Variants in KCNH8 observed in about 807,000 individuals in gnomAD.
KCNH8 encodes voltage-gated delayed rectifier potassium channel KCNH8.
In KCNH8, 70 loss-of-function variants were observed where a neutral mutation model predicts 103.6. The observed-to-expected ratio is 0.68, with a 90% CI of 0.56 to 0.82. The LOEUF is 0.82. Ranked by LOEUF, KCNH8 falls within the 40% of genes least tolerant of loss-of-function variation. The pLI is 0.00. For missense variants in KCNH8, 1,217 were observed against 1,329.9 expected (o/e 0.92, Z 1.32); for synonymous variants, 498 against 489.4 (o/e 1.02, Z -0.23).
intron 2 of KCNH8, among the ~76,000 whole-genome samples, chr3:19,274,943 C>CT (rs2064646461): frequency 7.0e-6 from 1 of 142,768 alleles, no homozygotes; most frequent in African/African-American, 2.6e-5. Context: ...TAACATAGCA[C>CT]TTTTCTCAAA....
chr3:19,204,016 C>CTTCA (rs1450362203), intron 1 of KCNH8, among the ~76,000 whole-genome samples: 1 of 151,860 alleles, frequency 6.6e-6, no homozygotes, highest in African/African-American at 2.4e-5. Flanking sequence ...CATTTTATTG[C>CTTCA]TTCACCAATA....
chr3:19,233,719 G>A (rs1307863063), intron 1 of KCNH8, among the ~76,000 whole-genome samples: 1 of 152,126 alleles, frequency 6.6e-6, no homozygotes, highest in Non-Finnish European at 1.5e-5. Flanking sequence ...AGATGTACAC[G>A]CTAGGTAATT....
At chr3:19,414,862 G>C (rs1458745893) in intron 7 of KCNH8, among the ~76,000 whole-genome samples, 1 of 151,808 alleles carries the variant, frequency 6.6e-6, no homozygotes, top group Non-Finnish European at 1.5e-5. Context: ...TTTAAAATTA[G>C]CAAATATCTT....
chr3:19,494,043 CTCTT>C (rs570799658), intron 11 of KCNH8, among the ~76,000 whole-genome samples: 15 of 152,076 alleles, frequency 9.9e-5, no homozygotes, highest in African/African-American at 2.7e-4. Context: ...GTCTGTTGTT[CTCTT>C]TGTTTTCATT....
intron 11 of KCNH8, among the ~76,000 whole-genome samples, chr3:19,482,324 A>C (rs6549914): frequency 0.047 from 7,188 of 152,182 alleles, 483 homozygotes; most frequent in African/African-American, 0.15. Flanking sequence ...GTTTTTACTT[A>C]TTCTTTCTTT....
At chr3:19,228,240 A>G (rs2125236312) in intron 1 of KCNH8, among the ~76,000 whole-genome samples, 1 of 152,332 alleles carries the variant, frequency 6.6e-6, no homozygotes, top group South Asian at 2.1e-4. Flanking sequence ...ATAATTGTTT[A>G]CATATTTTCT....
At chr3:19,464,836 C>T (rs958954390) in intron 11 of KCNH8, among the ~76,000 whole-genome samples, 1 of 152,048 alleles carries the variant, frequency 6.6e-6, no homozygotes, top group Non-Finnish European at 1.5e-5. Context: ...CCTCCTCAGT[C>T]TTTTATCTAA....
At chr3:19,322,965 C>G (rs1423590968) in intron 3 of KCNH8, among the ~76,000 whole-genome samples, 2 of 152,064 alleles carry the variant, frequency 1.3e-5, no homozygotes, top group Non-Finnish European at 2.9e-5. Flanking sequence ...CTTTCTTCTA[C>G]TTGTTCAATT....
chr3:19,244,815 T>C (rs1053180204), intron 1 of KCNH8, among the ~76,000 whole-genome samples: 1 of 142,896 alleles, frequency 7.0e-6, no homozygotes. Context: ...TGTAATAGGG[T>C]TTTTTTTTGT....
At chr3:19,167,246 T>C (rs1314230031) in intron 1 of KCNH8, among the ~76,000 whole-genome samples, 1 of 152,206 alleles carries the variant, frequency 6.6e-6, no homozygotes, top group Admixed American at 6.5e-5. Context: ...TATCATATTG[T>C]TACCAAAAAG....
Position 19,148,610 on chromosome 3 carries a change from G to T in KCNH8, c.-110G>T, listed in dbSNP as rs2063098451. 1.9e-6 allele frequency: 2 copies of T among 1,043,478 alleles called. No homozygotes were observed. The highest frequency in any genetic ancestry group is 3.0e-6 in the Non-Finnish European group (2 of 662,316). The allele number at this position is 1,043,478 out of a possible 1,614,324, so 64.6% of individuals were successfully genotyped here. A position where few individuals can be genotyped will look rare whatever the true frequency, so the allele number is the denominator to read the frequency against. On this transcript the variant is annotated 5_prime_UTR_variant, in exon 1 of 16. Transcript: ENST00000328405. ...CTGCTCGGCCCCGCCGTCAGGCCGGGTCCCCCTTCCCTGCCGTCATCAGGT... is the reference window on the plus strand; with the variant it reads ...CTGCTCGGCCCCGCCGTCAGGCCGGTTCCCCCTTCCCTGCCGTCATCAGGT...
At chr3:19,183,043 C>T (rs1312390158) in intron 1 of KCNH8, among the ~76,000 whole-genome samples, 1 of 152,032 alleles carries the variant, frequency 6.6e-6, no homozygotes, top group Non-Finnish European at 1.5e-5. Flanking sequence ...AGTTTCTCAA[C>T]CTGATTAAAG....
chr3:19,505,121 G>A (rs374356294), intron 11 of KCNH8, among the ~76,000 whole-genome samples: 150 of 151,232 alleles, frequency 9.9e-4, no homozygotes, highest in African/African-American at 3.3e-3. Flanking sequence ...ATACTACACC[G>A]CTGTAAAAGA....
chr3:19,259,884 C>G (rs1286030624), intron 2 of KCNH8, among the ~76,000 whole-genome samples: 1 of 151,748 alleles, frequency 6.6e-6, no homozygotes, highest in African/African-American at 2.4e-5. Context: ...GGGGGAACCT[C>G]TATTTACAAG....
intron 11 of KCNH8, among the ~76,000 whole-genome samples, chr3:19,506,521 C>T (rs2068696418): frequency 6.6e-6 from 1 of 152,088 alleles, no homozygotes; most frequent in African/African-American, 2.4e-5. Flanking sequence ...CCATGTGGCT[C>T]CTCTGTATTT....
intron 1 of KCNH8, among the ~76,000 whole-genome samples, chr3:19,166,150 T>G (rs1046390493): frequency 3.9e-5 from 6 of 152,142 alleles, no homozygotes; most frequent in Non-Finnish European, 8.8e-5. Context: ...ATTGTTATCT[T>G]TGGGGGAAAA....
intron 11 of KCNH8, among the ~76,000 whole-genome samples, chr3:19,506,282 G>A (rs766252711): frequency 2.0e-5 from 3 of 152,118 alleles, no homozygotes; most frequent in Non-Finnish European, 4.4e-5. Context: ...CATCTGTGTG[G>A]GCTGGTGTTC....
rs957089810 is a variant in KCNH8, at chr3:19,309,811, C to T, written c.442+28482C>T. 3.3e-5 allele frequency among the ~76,000 whole-genome samples: 5 copies of T among 152,036 alleles called. No homozygotes were observed. In the South Asian group the frequency reaches 8.3e-4, roughly 25 times the overall value. On this transcript the variant is annotated intron_variant, in intron 3 of 15. Coordinates refer to ENST00000328405, the MANE Select transcript of KCNH8 (RefSeq NM_144633.3). ...CCATGTCCTTTTTGAAACCACTTAA[C>T]GTAATAGTTGAATCAGAAACTATGT...
intron 3 of KCNH8, among the ~76,000 whole-genome samples, chr3:19,335,487 A>G (rs1297441594): frequency 2.2e-3 from 90 of 40,028 alleles, no homozygotes; most frequent in African/African-American, 7.8e-3. Flanking sequence ...GTGTGTGTAT[A>G]TATATATATA....
Sources: gnomAD v4.1 joint callset for allele counts (sites outside exome capture counted in the v4.1 genomes callset) on GRCh38, gnomAD v4.1.1 for gene constraint, MANE v1.5 for transcripts, NCBI Gene and HGNC (gene_info 2026-07-23, HGNC 2026-07-21) for gene names.